Variants in GPHN observed in about 807,000 individuals in gnomAD.
The protein encoded by GPHN is gephyrin.
A neutral mutation model predicts 95.5 loss-of-function variants in GPHN; 17 were observed. The observed-to-expected ratio is 0.18, with a 90% confidence interval of 0.12 to 0.27. The LOEUF (loss-of-function observed/expected upper bound fraction) is 0.27. Among genes scored for constraint, GPHN ranks in the 10% least tolerant of loss-of-function variants. The probability of loss-of-function intolerance (pLI) is 1.00; values close to 1 mark genes in which losing one functional copy is unlikely to be tolerated. For synonymous variants in GPHN, 320 were observed against 322.5 expected, an observed-to-expected ratio of 0.99 and a Z score of 0.08; for missense variants, 660 against 978.1, an observed-to-expected ratio of 0.67 and a Z score of 4.34.
At chr14:67,509,006 T>C in the GPHN span, among the ~76,000 whole-genome samples, 6,256 of 152,080 alleles carry the variant, frequency 0.041, 170 homozygotes, top group Non-Finnish European at 0.062. Flanking sequence ...AGGATGAGGA[T>C]TGGGGTCAAG....
At chr14:67,200,023 C>T in the GPHN span, 1 of 955,160 alleles carries the variant, frequency 1.0e-6, no homozygotes, top group Non-Finnish European at 1.6e-6. Flanking sequence ...TTTAGGACAT[C>T]CCCATTCTGG....
chr14:66,826,448 ACT>A (rs1213106773), intron 4 of GPHN, among the ~76,000 whole-genome samples: 2 of 151,934 alleles, frequency 1.3e-5, no homozygotes, highest in Non-Finnish European at 2.9e-5. Context: ...TTAGTACTAG[ACT>A]CTGCAGATTT....
intron 1 of GPHN, among the ~76,000 whole-genome samples, chr14:66,573,699 C>T (rs2060790707): frequency 1.3e-5 from 2 of 152,162 alleles, no homozygotes; most frequent in Non-Finnish European, 1.5e-5. Context: ...TTGTGATCCA[C>T]CTGCATTACC....
At chr14:66,637,046 T>C (rs2064139295) in intron 1 of GPHN, among the ~76,000 whole-genome samples, 1 of 152,208 alleles carries the variant, frequency 6.6e-6, no homozygotes, top group Non-Finnish European at 1.5e-5. Flanking sequence ...GTATTTGCCT[T>C]GCTTACTTTG....
At chr14:66,985,755 C>G in intron 9 of GPHN, 1 of 1,476,110 alleles carries the variant, frequency 6.8e-7, no homozygotes, top group Non-Finnish European at 9.1e-7. Flanking sequence ...ATGTTTCTAA[C>G]ATTTTTTGGC....
intron 1 of GPHN, among the ~76,000 whole-genome samples, chr14:66,552,971 TTTTTCTTTTTTCTTTTC>T (rs1566591449): frequency 6.6e-6 from 1 of 151,818 alleles, no homozygotes; most frequent in African/African-American, 2.4e-5. Flanking sequence ...CTTCTTTTTT[TTTTTCTTTTTTCTTTTC>T]TTTTCTTTTT....
At chr14:66,635,158 A>G (rs1257421470) in intron 1 of GPHN, among the ~76,000 whole-genome samples, 2 of 152,142 alleles carry the variant, frequency 1.3e-5, no homozygotes, top group Admixed American at 1.3e-4. Context: ...GTCTCACTGC[A>G]TGGGACCTAG....
At position 66,965,298 on chromosome 14, in the gene GPHN, C is replaced by G; in HGVS notation, c.936C>G (p.Leu312=). The change falls in exon 9 of 23, where the codon CTC becomes CTG. Residue 312 remains leucine (L), a synonymous_variant. Coordinates refer to ENST00000478722, the MANE Select transcript of GPHN (RefSeq NM_020806.5). ...ESPRAQATSR[L]STASCPTPKV... is the part of the protein sequence containing the mutation. Reference sequence around the variant, plus strand: ...CTCGTGCTCAGGCTACATCTCGCCTCTCTACAGCTTCCTGCCCAACACCAA... The same window carrying G: ...CTCGTGCTCAGGCTACATCTCGCCTGTCTACAGCTTCCTGCCCAACACCAA... The G allele has an allele frequency of 6.2e-7, 1 of 1,613,784 alleles. No homozygotes were observed. Among genetic ancestry groups the G allele is most frequent in the Non-Finnish European group, 8.5e-7 (1 of 1,179,732 alleles).
At chr14:67,557,285 A>G in the GPHN span, 1 of 1,613,674 alleles carries the variant, frequency 6.2e-7, no homozygotes, top group Non-Finnish European at 8.5e-7. Flanking sequence ...GTCATGGAAG[A>G]GAAGGTAAAA....
chr14:67,651,483 T>C, the GPHN span: 1 of 1,613,544 alleles, frequency 6.2e-7, no homozygotes. Flanking sequence ...GTTGTCACTC[T>C]ACAAAGAGAA....
intron 3 of GPHN, among the ~76,000 whole-genome samples, chr14:66,788,398 C>T (rs1458591142): frequency 6.6e-5 from 10 of 152,180 alleles, no homozygotes; most frequent in Non-Finnish European, 1.3e-4. Flanking sequence ...CCCTAAAACA[C>T]ACAATGACAT....
the GPHN span, among the ~76,000 whole-genome samples, chr14:67,460,548 A>G: frequency 2.6e-5 from 4 of 152,126 alleles, no homozygotes; most frequent in Non-Finnish European, 4.4e-5. Context: ...TACTAAAAGT[A>G]CAAAAATTAG....
At chr14:67,190,429 G>C in the GPHN span, among the ~76,000 whole-genome samples, 1 of 151,822 alleles carries the variant, frequency 6.6e-6, no homozygotes, top group Admixed American at 6.6e-5. Flanking sequence ...TCGCCATTTG[G>C]CCAGGCTGGT....
chr14:67,667,228 T>C, the GPHN span, among the ~76,000 whole-genome samples: 2 of 152,186 alleles, frequency 1.3e-5, no homozygotes, highest in Admixed American at 6.5e-5. Flanking sequence ...CTCTTCCTTA[T>C]GGGGATTTGA....
At chr14:66,558,288 C>A (rs1200834995) in intron 1 of GPHN, among the ~76,000 whole-genome samples, 1 of 151,972 alleles carries the variant, frequency 6.6e-6, no homozygotes, top group Non-Finnish European at 1.5e-5. Context: ...AATTTATTTT[C>A]AGGAATGACA....
the GPHN span, among the ~76,000 whole-genome samples, chr14:67,342,687 T>A: frequency 6.7e-6 from 1 of 150,342 alleles, no homozygotes; most frequent in African/African-American, 2.4e-5. Flanking sequence ...ATAGTTAATA[T>A]AACAGTTAAT....
chr14:67,550,809 A>C, the GPHN span, among the ~76,000 whole-genome samples: 1 of 152,238 alleles, frequency 6.6e-6, no homozygotes, highest in African/African-American at 2.4e-5. Flanking sequence ...CTCTGGAGCC[A>C]GTCTACTTGA....
chr14:67,673,375 C>T, the GPHN span, among the ~76,000 whole-genome samples: 1 of 151,992 alleles, frequency 6.6e-6, no homozygotes, highest in Non-Finnish European at 1.5e-5. Context: ...TAAAATAAAA[C>T]TGAAGTCCCA....
chr14:66,739,025 T>A (rs1288562819), intron 2 of GPHN, among the ~76,000 whole-genome samples: 2 of 152,006 alleles, frequency 1.3e-5, no homozygotes, highest in Non-Finnish European at 2.9e-5. Context: ...TCTACTCTGC[T>A]TACCCCCATC....
Sources: allele counts gnomAD v4.1 joint callset (sites outside exome capture counted in the v4.1 genomes callset), GRCh38; gene constraint gnomAD v4.1.1; transcripts MANE v1.5; gene names NCBI Gene and HGNC (gene_info 2026-07-23, HGNC 2026-07-21).